MANEA: variants seen among roughly 807,000 people sequenced by gnomAD.
The protein encoded by MANEA is mannosidase endo-alpha, also known as glycoprotein endo-alpha-1,2-mannosidase.
MANEA carries 25 observed loss-of-function variants against 36.8 expected under a neutral mutation model. That is an observed-to-expected ratio of 0.68 (90% CI 0.50 to 0.95). The LOEUF (loss-of-function observed/expected upper bound fraction) is 0.95, where lower values mean the gene tolerates loss of function less well. Ranked by LOEUF, MANEA falls within the 40% of genes least tolerant of loss-of-function variation. The pLI is 0.00. For missense variants in MANEA, 565 were observed against 558.8 expected, an observed-to-expected ratio of 1.01 and a Z score of -0.11; for synonymous variants, 198 against 188.5, an observed-to-expected ratio of 1.05 and a Z score of -0.41.
At chr6:95,589,732 T>C (rs972784804) in intron 2 of MANEA, among the ~76,000 whole-genome samples, 1 of 152,102 alleles carries the variant, frequency 6.6e-6, no homozygotes, top group Non-Finnish European at 1.5e-5. Context: ...TTACTAAAAC[T>C]TTAGTAGACT....
rs942354916 is a variant in MANEA, at chr6:95,608,907, C to T, written c.*2502C>T. The T allele has an allele frequency of 6.6e-6, 1 of 151,894 alleles. No individual in the cohort carries two copies. Among genetic ancestry groups the T allele is most frequent in the Admixed American group, 6.6e-5 (1 of 15,238 alleles). The allele number at this position is 151,894 out of a possible 1,614,324, so 9.4% of individuals were successfully genotyped here. ...GAATAATTACATGAAAAAAAAGAGT[C>T]TGTACATCTTCAGAGTTTCAGTCGG... On this transcript the variant is annotated 3_prime_UTR_variant, in exon 5 of 5. Coordinates refer to ENST00000358812, the MANE Select transcript of MANEA (RefSeq NM_024641.4).
chr6:95,603,052 A>AAAAC (rs539732085), intron 3 of MANEA, among the ~76,000 whole-genome samples: 3 of 139,358 alleles, frequency 2.2e-5, no homozygotes, highest in Admixed American at 1.5e-4. Flanking sequence ...AAAAAAAAAA[A>AAAAC]TTGCAAAGTA....
intron 3 of MANEA, among the ~76,000 whole-genome samples, chr6:95,601,824 A>G (rs1341368605): frequency 6.8e-6 from 1 of 146,944 alleles, no homozygotes; most frequent in Non-Finnish European, 1.5e-5. Context: ...GTTATTTTAA[A>G]GTAGCATATT....
chr6:95,596,413 G>A (rs1398422663), intron 2 of MANEA, among the ~76,000 whole-genome samples: 2 of 152,124 alleles, frequency 1.3e-5, no homozygotes, highest in Admixed American at 1.3e-4. Context: ...AATTATAGGA[G>A]AAACCGTGTG....
At chr6:95,578,863 A>G (rs1303186447) in intron 1 of MANEA, among the ~76,000 whole-genome samples, 2 of 152,200 alleles carry the variant, frequency 1.3e-5, no homozygotes. Context: ...ATCTTGTGTC[A>G]CAAAAATAAC....
At chr6:95,602,096 T>C (rs1441454423) in intron 3 of MANEA, among the ~76,000 whole-genome samples, 1 of 152,216 alleles carries the variant, frequency 6.6e-6, no homozygotes, top group Admixed American at 6.5e-5. Context: ...GCAGAAACTT[T>C]GGGAATCTTA....
Position 95,586,424 on chromosome 6 carries a change from T to G in MANEA, c.-16T>G. The G allele has an allele frequency of 6.3e-7, 1 of 1,593,736 alleles. No homozygotes were observed. On this transcript the variant is annotated 5_prime_UTR_variant, in exon 2 of 5. Transcript: ENST00000358812. ...CAGCAAAACACTTACTATTTTGGAG[T>G]TTAAAGTATGTCATCATGGCAAAGT...
chr6:95,579,017 C>G (rs1249569884), intron 1 of MANEA, among the ~76,000 whole-genome samples: 3 of 151,956 alleles, frequency 2.0e-5, no homozygotes, highest in Non-Finnish European at 2.9e-5. Flanking sequence ...ATTTGCTGGC[C>G]CAGAGATTTT....
rs1456048712 is a variant in MANEA, at chr6:95,609,104, A to G, written c.*2699A>G. 6.6e-6 allele frequency: 1 copy of G among 151,824 alleles called. No homozygotes were observed. The highest frequency in any genetic ancestry group is 1.5e-5 in the Non-Finnish European group (1 of 67,744). 9.4% of individuals were successfully genotyped at this position (151,824 alleles called of 1,614,324 possible). ...TTGTAACACAGTTTAAATTGTTATG[A>G]TAACAAGTAAATAAGAGCAAAGAAT... On this transcript the variant is annotated 3_prime_UTR_variant, in exon 5 of 5. Coordinates refer to ENST00000358812, the MANE Select transcript of MANEA (RefSeq NM_024641.4).
intron 2 of MANEA, among the ~76,000 whole-genome samples, chr6:95,595,191 C>T (rs4461741): frequency 1.3e-5 from 2 of 151,782 alleles, no homozygotes; most frequent in Admixed American, 6.6e-5. Flanking sequence ...ATAATTTTTT[C>T]GTAGGTCCCA....
rs1232913642 is a variant in MANEA at position 95,586,410 on chromosome 6, T to G, written c.-30T>G. ...TTTTCAATAAATTGCAGCAAAACAC[T>G]TACTATTTTGGAGTTTAAAGTATGT... On this transcript the variant is annotated 5_prime_UTR_variant, in exon 2 of 5. Transcript: ENST00000358812. The G allele has an allele frequency of 1.9e-6, 3 of 1,546,502 alleles. No individual in the cohort carries two copies. In the African/African-American group the frequency reaches 4.2e-5, roughly 21 times the overall value.
At chr6:95,586,315 A>G in intron 1 of MANEA, 87 bp from the exon 2 acceptor site, 1 of 737,370 alleles carries the variant, frequency 1.4e-6, no homozygotes. Flanking sequence ...AATGTAATGA[A>G]ATTTATGGAT....
chr6:95,585,390 G>A (rs1422604043), intron 1 of MANEA, among the ~76,000 whole-genome samples: 3 of 152,122 alleles, frequency 2.0e-5, no homozygotes, highest in Non-Finnish European at 2.9e-5. Context: ...GCTCACTGCA[G>A]CCTTGACCTT....
intron 1 of MANEA, among the ~76,000 whole-genome samples, chr6:95,578,110 C>T (rs1323624524): frequency 6.6e-6 from 1 of 152,106 alleles, no homozygotes. Flanking sequence ...CTGGGTGCAA[C>T]GGAAAGGTAG....
At chr6:95,590,428 G>A (rs1247354969) in intron 2 of MANEA, among the ~76,000 whole-genome samples, 4 of 152,106 alleles carry the variant, frequency 2.6e-5, no homozygotes, top group African/African-American at 9.7e-5. Flanking sequence ...AAAAACACTG[G>A]ATGGATTTCA....
chr6:95,582,717 C>T (rs1400903048), intron 1 of MANEA, among the ~76,000 whole-genome samples: 6 of 152,178 alleles, frequency 3.9e-5, no homozygotes, highest in Non-Finnish European at 8.8e-5. Context: ...ACCATATTTG[C>T]TTACCATTAT....
chr6:95,599,613 T>C (rs1769551640), intron 3 of MANEA, among the ~76,000 whole-genome samples: 1 of 152,234 alleles, frequency 6.6e-6, no homozygotes, highest in South Asian at 2.1e-4. Context: ...TTGAAATATT[T>C]CGTTTCAAAT....
At chr6:95,599,053 T>C (rs1223167758) in intron 3 of MANEA, among the ~76,000 whole-genome samples, 1 of 152,162 alleles carries the variant, frequency 6.6e-6, no homozygotes, top group East Asian at 1.9e-4. Flanking sequence ...AAGATTATAT[T>C]AGATAATATA....
intron 1 of MANEA, among the ~76,000 whole-genome samples, chr6:95,584,633 T>C (rs1769246095): frequency 6.6e-6 from 1 of 152,212 alleles, no homozygotes; most frequent in African/African-American, 2.4e-5. Flanking sequence ...CCCAGAAGCA[T>C]GTGATCTTTG....
Sources: allele counts gnomAD v4.1 joint callset (sites outside exome capture counted in the v4.1 genomes callset), GRCh38; gene constraint gnomAD v4.1.1; transcripts MANE v1.5; gene names NCBI Gene and HGNC (gene_info 2026-07-23, HGNC 2026-07-21).